The following WDR81 variants were observed in gnomAD, a reference collection of about 807,000 sequenced individuals.
WDR81 encodes the protein WD repeat domain 81.
In WDR81, 92 loss-of-function variants were observed where a neutral mutation model predicts 140.8. The ratio of observed to expected loss-of-function variants is 0.65; its 90% CI spans 0.55 to 0.78. WDR81 has a LOEUF of 0.78. WDR81 is among the 30% of genes least tolerant of loss of function. WDR81 has a pLI of 0.00. For missense variants in WDR81, 2,502 were observed against 2,636.4 expected (o/e 0.95, Z 1.12); for synonymous variants, 1,183 against 1,156.4 (o/e 1.02, Z -0.47).
rs770595661 is a variant in WDR81, at chr17:1,736,125, C to A, written c.5412C>A (p.Gly1804=). The stretch of plus-strand genomic sequence containing the variant: ...CCAGTGGCCGTAGTGTCGTGGCCGG[C>A]TTCTCCTCAGGCTTCATGGTGCTCC... ...ISPSGRSVVA[G]FSSGFMVLLD... is the part of the protein sequence containing the mutation. Residue 1804 remains glycine (G), a synonymous_variant, in exon 9 of 10, where the codon GGC becomes GGA. Transcript: ENST00000409644. 1.2e-6 allele frequency: 2 copies of A among 1,602,694 alleles called. No individual in the cohort carries two copies. Among genetic ancestry groups the A allele is most frequent in the Non-Finnish European group, 1.7e-6 (2 of 1,179,874 alleles).
In WDR81 at chr17:1,734,192, G is replaced by C. The variant is rs528062052; in HGVS notation, c.5155G>C (p.Val1719Leu). The C allele has an allele frequency of 6.3e-7, 1 of 1,592,958 alleles. No individual in the cohort carries two copies. The highest frequency in any genetic ancestry group is 8.5e-7 in the Non-Finnish European group (1 of 1,176,314). Residue 1719 changes from valine (V) to leucine (L), a missense_variant, in exon 7 of 10, where the codon GTG becomes CTG. Physicochemically the swap from Val to Leu is conservative, Grantham distance 32. Coordinates refer to ENST00000409644, the MANE Select transcript of WDR81 (RefSeq NM_001163809.2). Reference sequence around the variant, plus strand: ...GCACGTGGTGAGCTGTGACGGGGCTGTGCACGTCTGGGACCCCTTCACAGG... The same window carrying C: ...GCACGTGGTGAGCTGTGACGGGGCTCTGCACGTCTGGGACCCCTTCACAGG... ...PQHVVSCDGAVHVWDPFTGKT... is the reference protein window; with the variant it reads ...PQHVVSCDGALHVWDPFTGKT...
chr17:1,728,105 A>G lies in WDR81; in HGVS notation c.3146A>G (p.Glu1049Gly), dbSNP rs758946168. Residue 1049 changes from glutamate to glycine, a missense_variant, in exon 1 of 10, where the codon GAG (glutamate) becomes GGG (glycine). Physicochemically the swap from Glu to Gly is moderately conservative, Grantham distance 98. Transcript: ENST00000409644. ...AGPGSCAFGE[E>G]IPMDGEPPAS... is the part of the protein sequence containing the mutation. Reference sequence around the variant, plus strand: ...CCTGGCTCCTGTGCTTTTGGGGAGGAGATTCCCATGGATGGGGAGCCTCCT... The same window carrying G: ...CCTGGCTCCTGTGCTTTTGGGGAGGGGATTCCCATGGATGGGGAGCCTCCT... 9 of 1,603,570 alleles carry G rather than the reference A, an allele frequency of 5.6e-6. No homozygotes were observed. Among genetic ancestry groups the G allele is most frequent in the Non-Finnish European group, 6.8e-6 (8 of 1,175,388 alleles).
Position 1,727,143 on chromosome 17 carries a change from G to C in WDR81, c.2184G>C (p.Met728Ile). Residue 728 changes from methionine to isoleucine, a missense_variant, in exon 1 of 10, where the codon ATG becomes ATC. Met to Ile is a conservative substitution (Grantham distance 10). Coordinates refer to ENST00000409644, the MANE Select transcript of WDR81 (RefSeq NM_001163809.2). ...TTCTTCCCGAGGGCTTCAATCCCAT[G>C]CAGGCCCTGGAGGAGCTGGAGAAAA... Reference protein sequence around the residue: ...RILLPEGFNPMQALEELEKTG... With the variant: ...RILLPEGFNPIQALEELEKTG... 6.5e-7 allele frequency: 1 copy of C among 1,547,848 alleles called. No homozygotes were observed. The highest frequency in any genetic ancestry group is 1.2e-5 in the South Asian group (1 of 83,928).
chr17:1,728,266 G>A lies in WDR81; in HGVS notation c.3307G>A (p.Val1103Met). ...TCCCCAGCCCCAGGAGGCTGAGGCT[G>A]TGAGCCTGGGCCGGCTGAGTGACAA... is the stretch of plus-strand genomic sequence containing the variant. Reference protein sequence around the residue: ...ESPQPQEAEAVSLGRLSDKSS... With the variant: ...ESPQPQEAEAMSLGRLSDKSS... Residue 1103 changes from valine (V) to methionine (M), a missense_variant, in exon 1 of 10, where the codon GTG becomes ATG. By Grantham distance (21) the Val-to-Met change is conservative (BLOSUM62 1). Transcript: ENST00000409644. The A allele has an allele frequency of 6.2e-7, 1 of 1,612,466 alleles. No individual in the cohort carries two copies. The highest frequency in any genetic ancestry group is 1.1e-5 in the South Asian group (1 of 91,040).
Position 1,726,277 on chromosome 17 carries a change from C to T in WDR81, c.1318C>T (p.His440Tyr). Residue 440 changes from histidine (H) to tyrosine (Y), a missense_variant, in exon 1 of 10, where the codon CAC (histidine) becomes TAC (tyrosine). Transcript: ENST00000409644. ...GGGEPPHVPH[H>Y]ISDVLSDITY... ...CGGGGAACCCCCTCATGTTCCCCAC[C>T]ACATCTCAGACGTGCTCTCCGACAT... is the stretch of plus-strand genomic sequence containing the variant. 1 of 1,540,316 alleles carries T rather than the reference C, an allele frequency of 6.5e-7. No homozygotes were observed.
At chr17:1,733,043 C>A in intron 6 of WDR81, 1 of 592,424 alleles carries the variant, frequency 1.7e-6, no homozygotes, top group Non-Finnish European at 2.8e-6. Context: ...CAGAAGCTGG[C>A]CTGTAGTGTC....
In WDR81 at chr17:1,733,912, C is replaced by T. The variant is rs139554622; in HGVS notation, c.4875C>T (p.Ile1625=). The T allele has an allele frequency of 9.9e-5, 159 of 1,612,774 alleles. 1 individual carries two copies. In the South Asian group the frequency reaches 1.1e-3, roughly 11 times the overall value. Residue 1625 remains isoleucine (I), a synonymous_variant, in exon 7 of 10, where the codon ATC becomes ATT. Transcript: ENST00000409644. ...GGCTGGCGTACTGGCAGTACGAGAT[C>T]GGCGTGAGCCAGCAGGATGCCCACT... ...GNWLAYWQYE[I]GVSQQDAHFH... is the part of the protein sequence containing the mutation.
At position 1,730,798 on chromosome 17, in the gene WDR81, A is replaced by G; in HGVS notation, c.3819A>G (p.Pro1273=). Residue 1273 remains proline (P), a synonymous_variant, in exon 3 of 10, where the codon CCA becomes CCG. Coordinates refer to ENST00000409644, the MANE Select transcript of WDR81 (RefSeq NM_001163809.2). ...TCACAGTGAGCAGTGGCGAGAGCCC[A>G]CCGCTGAGCGCCGGCAACATCTACC... is the stretch of plus-strand genomic sequence containing the variant. The part of the protein sequence containing the change: ...QQFTVSSGES[P]PLSAGNIYQK... 2 of 1,612,296 alleles carry G rather than the reference A, an allele frequency of 1.2e-6. No homozygotes were observed. The highest frequency in any genetic ancestry group is 1.7e-6 in the Non-Finnish European group (2 of 1,179,892).
At position 1,727,401 on chromosome 17, in the gene WDR81, C is replaced by T. The variant is rs1008771772; in HGVS notation, c.2442C>T (p.Val814=). Residue 814 remains valine (V), a synonymous_variant, in exon 1 of 10, where the codon GTC becomes GTT. Coordinates refer to ENST00000409644, the MANE Select transcript of WDR81 (RefSeq NM_001163809.2). Reference sequence around the variant, plus strand: ...TCTGCACGCGCCACCCCAAGGAGGTCCCTGTGTCTTTGCAGCCCGTGCTGG... The same window carrying T: ...TCTGCACGCGCCACCCCAAGGAGGTTCCTGTGTCTTTGCAGCCCGTGCTGG... ...RGLCTRHPKE[V]PVSLQPVLDT... is the part of the protein sequence containing the mutation. 4.5e-6 allele frequency: 7 copies of T among 1,550,204 alleles called. No individual in the cohort carries two copies. The African/African-American group carries it at 9.6e-5, about 21-fold the overall frequency.
rs1169516513 is a variant in WDR81 at position 1,737,793 on chromosome 17, C to A, written c.*108C>A. On this transcript the variant is annotated 3_prime_UTR_variant, in exon 10 of 10. Coordinates refer to ENST00000409644, the MANE Select transcript of WDR81 (RefSeq NM_001163809.2). ...CCCTCCAGGGAGGCCCTGGGTCCCA[C>A]GCCCTGGGTGCCCACATGGCCTGCC... is the stretch of plus-strand genomic sequence containing the variant. 6 of 1,382,560 alleles carry A rather than the reference C, an allele frequency of 4.3e-6. No individual in the cohort carries two copies. Among genetic ancestry groups the A allele is most frequent in the Non-Finnish European group, 4.8e-6 (5 of 1,043,010 alleles). 85.6% of individuals were successfully genotyped at this position (1,382,560 alleles called of 1,614,324 possible).
In WDR81 at chr17:1,730,774, C is replaced by G. The variant is rs373614350; in HGVS notation, c.3795C>G (p.Phe1265Leu). The change falls in exon 3 of 10, where the codon TTC becomes TTG. Residue 1265 changes from phenylalanine (F) to leucine (L), a missense_variant. This residue lies in a region of WDR81 where 1,737 missense variants were observed against 1,843.0 expected (regional missense o/e 0.94). Transcript: ENST00000409644. ...TGGCAGGACCCACTCGGCAGCAGTTCACAGTGAGCAGTGGCGAGAGCCCAC... is the reference window on the plus strand; with the variant it reads ...TGGCAGGACCCACTCGGCAGCAGTTGACAGTGAGCAGTGGCGAGAGCCCAC... ...SCYVGPTRQQFTVSSGESPPL... is the reference protein window; with the variant it reads ...SCYVGPTRQQLTVSSGESPPL... 8 of 1,610,996 alleles carry G rather than the reference C, an allele frequency of 5.0e-6. No homozygotes were observed. The highest frequency in any genetic ancestry group is 3.3e-5 in the Admixed American group (2 of 59,918).
Position 1,731,093 on chromosome 17 carries a change from C to G in WDR81, c.3992C>G (p.Pro1331Arg). 6.2e-7 allele frequency: 1 copy of G among 1,612,746 alleles called. No homozygotes were observed. The highest frequency in any genetic ancestry group is 8.5e-7 in the Non-Finnish European group (1 of 1,179,876). The change falls in exon 4 of 10, where the codon CCC becomes CGC. Residue 1331 changes from proline (P) to arginine (R), a missense_variant. Physicochemically the swap from Pro to Arg is moderately radical, Grantham distance 103 (BLOSUM62 -2). Coordinates refer to ENST00000409644, the MANE Select transcript of WDR81 (RefSeq NM_001163809.2). ...GTGGCCCCAGGGAGTGCCTCAGGCCCCAGCCGACTGAACAGCCGTAAGGAG... is the reference window on the plus strand; with the variant it reads ...GTGGCCCCAGGGAGTGCCTCAGGCCGCAGCCGACTGAACAGCCGTAAGGAG... ...YLVAPGSASG[P>R]SRLNSRKEAG...
intron 9 of WDR81, 95 bp downstream of exon 9, chr17:1,736,313 G>C: frequency 7.1e-7 from 1 of 1,414,024 alleles, no homozygotes; most frequent in Non-Finnish European, 9.5e-7. Context: ...GTTCAGGCTC[G>C]AACTGGTCTG....
intron 9 of WDR81, among the ~76,000 whole-genome samples, chr17:1,736,681 G>A (rs1252384516): frequency 6.6e-6 from 1 of 152,110 alleles, no homozygotes; most frequent in Admixed American, 6.5e-5. Flanking sequence ...GCCTGGGCAT[G>A]GGGATCCTGT....
chr17:1,737,490 G>A lies in WDR81; in HGVS notation c.5631G>A (p.Leu1877=). The A allele has an allele frequency of 2.5e-6, 4 of 1,613,198 alleles. No homozygotes were observed. In the South Asian group the frequency reaches 3.3e-5, roughly 13 times the overall value. Residue 1877 remains leucine (L), a synonymous_variant, in exon 10 of 10, where the codon CTG becomes CTA. Coordinates refer to ENST00000409644, the MANE Select transcript of WDR81 (RefSeq NM_001163809.2). ...CCGACCCCATCCACACCTTTGACCT[G>A]TACGGCAGCGAGGTGGTCACTGGCA... ...SASDPIHTFD[L]YGSEVVTGTV... is the part of the protein sequence containing the mutation.
Position 1,718,130 on chromosome 17 carries a change from G to C in WDR81, c.-124+1497G>C, listed in dbSNP as rs1335488141. On this transcript the variant is annotated intron_variant, in intron 1 of 10. Transcript: ENST00000309182. ...CTCCTTATTTATTTTTTTTTTTTCT[G>C]TTTTTGAGACAGAGTCTCGCTCTGT... Among the ~76,000 whole-genome samples the C allele has an allele frequency of 4.1e-5, 6 of 146,168 alleles. 1 individual carries two copies. The highest frequency in any genetic ancestry group is 1.5e-4 in the African/African-American group (6 of 39,620).
chr17:1,732,909 C>T, intron 6 of WDR81, 78 bp downstream of exon 6: 1 of 1,516,454 alleles, frequency 6.6e-7, no homozygotes, highest in Non-Finnish European at 8.9e-7. Context: ...CTGCCCTTGC[C>T]CCAGAGTCAG....
Position 1,734,518 on chromosome 17 carries a change from C to G in WDR81, c.5179+302C>G, listed in dbSNP as rs182925482. Among the ~76,000 whole-genome samples, 215 of 152,330 alleles carry G rather than the reference C, an allele frequency of 1.4e-3. 1 individual carries two copies. The highest frequency in any genetic ancestry group is 3.4e-3 in the African/African-American group (143 of 41,566). ...ACACACAGCCGGGCGCAGTGGCTCA[C>G]GCCTGTAATCCCAGCACTTTGGGAG... On this transcript the variant is annotated intron_variant, in intron 7 of 9. Coordinates refer to ENST00000409644, the MANE Select transcript of WDR81 (RefSeq NM_001163809.2).
intron 1 of WDR81, among the ~76,000 whole-genome samples, chr17:1,718,071 A>G (rs1363066809): frequency 6.6e-6 from 1 of 151,510 alleles, no homozygotes; most frequent in Non-Finnish European, 1.5e-5. Flanking sequence ...GTGTCTGCTG[A>G]TGGGATCCTC....
Sources: allele counts gnomAD v4.1 joint callset (sites outside exome capture counted in the v4.1 genomes callset), GRCh38; gene constraint gnomAD v4.1.1; regional missense constraint gnomAD v4.1.1; transcripts MANE v1.5; gene names NCBI Gene and HGNC (gene_info 2026-07-23, HGNC 2026-07-21).